The following ATAD2B variants were observed in gnomAD, a reference collection of about 807,000 sequenced individuals.
The protein encoded by ATAD2B is ATPase family AAA domain-containing protein 2B.
In ATAD2B, 40 loss-of-function variants were observed where a neutral mutation model predicts 167.6. That is an observed-to-expected ratio of 0.24 (90% CI 0.19 to 0.31). ATAD2B has a LOEUF of 0.31. Among genes scored for constraint, ATAD2B ranks in the 10% least tolerant of loss-of-function variants. The pLI, the probability that ATAD2B is intolerant of heterozygous loss-of-function variation, is 1.00. For synonymous variants in ATAD2B, 579 were observed against 596.5 expected (o/e 0.97, Z 0.43); for missense variants, 1,242 against 1,757.2 (o/e 0.71, Z 5.24).
intron 6 of ATAD2B, among the ~76,000 whole-genome samples, chr2:23,882,498 T>C (rs1331412500): frequency 8.0e-6 from 1 of 124,232 alleles, no homozygotes; most frequent in Non-Finnish European, 1.6e-5. Flanking sequence ...ACCCAGCCTC[T>C]ATTTAAAAAA....
At chr2:23,762,372 T>G (rs368537378) in intron 23 of ATAD2B, 26 bp from the exon 24 acceptor site, 2 of 1,591,698 alleles carry the variant, frequency 1.3e-6, no homozygotes, top group African/African-American at 1.4e-5. Flanking sequence ...AAGCAATACC[T>G]CTTTAAATAT....
At chr2:23,798,041 G>A in intron 19 of ATAD2B, 97 bp downstream of exon 19, 1 of 783,346 alleles carries the variant, frequency 1.3e-6, no homozygotes, top group Non-Finnish European at 1.9e-6. Flanking sequence ...AACCCTGGCA[G>A]TATTAATTTT....
At chr2:23,833,362 T>C (rs1689373378) in intron 14 of ATAD2B, among the ~76,000 whole-genome samples, 1 of 137,506 alleles carries the variant, frequency 7.3e-6, no homozygotes, top group Non-Finnish European at 1.5e-5. Flanking sequence ...AAACCAAGAA[T>C]AATATTAAAA....
chr2:23,696,322 A>G, the ATAD2B span: 3 of 1,550,432 alleles, frequency 1.9e-6, no homozygotes, highest in African/African-American at 1.4e-5. The surrounding 1 kb of genome is among the most constrained non-coding windows in gnomAD (Gnocchi z 5.5). Context: ...TGCCTCCCAC[A>G]CTGCCTCCAG....
intron 13 of ATAD2B, among the ~76,000 whole-genome samples, chr2:23,851,076 T>C (rs1692485945): frequency 1.3e-5 from 2 of 152,202 alleles, no homozygotes; most frequent in African/African-American, 4.8e-5. Flanking sequence ...GGCACCCTGA[T>C]CTTGGACATC....
downstream of ATAD2B, among the ~76,000 whole-genome samples, chr2:23,744,470 A>C (rs901582242): frequency 6.6e-6 from 1 of 152,360 alleles, no homozygotes; most frequent in South Asian, 2.1e-4. Context: ...GTTTATAGAC[A>C]CATACAAATG....
intron 1 of ATAD2B, among the ~76,000 whole-genome samples, chr2:23,898,507 T>G (rs1057071740): frequency 6.6e-6 from 1 of 152,224 alleles, no homozygotes; most frequent in African/African-American, 2.4e-5. Context: ...ACGTACTGAT[T>G]GATGTCATAT....
Position 23,757,483 on chromosome 2 carries a change from C to A in ATAD2B, c.4013G>T (p.Ser1338Ile). The change falls in exon 25 of 28, where the codon AGC becomes ATC. Residue 1338 changes from serine to isoleucine, a missense_variant. Coordinates refer to ENST00000238789, the MANE Select transcript of ATAD2B (RefSeq NM_017552.4). ...DLEKLEALEC[S>I]NNEKLEPGSD... ...GCCAGGTTCTAACTTCTCATTATTG[C>A]TACATTCCAGTGCCTCTAGTTTCTC... The A allele has an allele frequency of 6.5e-7, 1 of 1,543,152 alleles. No individual in the cohort carries two copies. The highest frequency in any genetic ancestry group is 2.1e-5 in the Admixed American group (1 of 47,364).
At chr2:23,703,205 C>A in the ATAD2B span, 2 of 1,461,846 alleles carry the variant, frequency 1.4e-6, no homozygotes, top group Non-Finnish European at 1.8e-6. Context: ...CATCACCAAC[C>A]AATGGGAGGC....
At chr2:23,852,919 C>CAA (rs1169910826) in intron 13 of ATAD2B, among the ~76,000 whole-genome samples, 7 of 101,362 alleles carry the variant, frequency 6.9e-5, no homozygotes, top group African/African-American at 1.1e-4. Flanking sequence ...ACTCCATCTC[C>CAA]AAAAAAAAAA....
chr2:23,809,492 T>C (rs1558573295), intron 18 of ATAD2B, among the ~76,000 whole-genome samples: 1 of 152,136 alleles, frequency 6.6e-6, no homozygotes, highest in Admixed American at 6.5e-5. Context: ...ATTCGGAAAA[T>C]GTAACTGGGA....
intron 18 of ATAD2B, among the ~76,000 whole-genome samples, chr2:23,808,528 T>C (rs1685020444): frequency 6.6e-6 from 1 of 152,064 alleles, no homozygotes; most frequent in African/African-American, 2.4e-5. Flanking sequence ...GACCTCTTCT[T>C]CCATTATATT....
chr2:23,820,243 G>A (rs939975660), intron 16 of ATAD2B, among the ~76,000 whole-genome samples: 3 of 152,042 alleles, frequency 2.0e-5, no homozygotes, highest in Non-Finnish European at 4.4e-5. Flanking sequence ...TTCATATTTG[G>A]TTTAATTAGT....
the ATAD2B span, among the ~76,000 whole-genome samples, chr2:23,724,942 C>T: frequency 6.9e-6 from 1 of 145,352 alleles, no homozygotes; most frequent in African/African-American, 2.5e-5. Context: ...ACTTGGGAGG[C>T]TGAGGCAGGA....
intron 23 of ATAD2B, among the ~76,000 whole-genome samples, chr2:23,763,738 C>T (rs947029427): frequency 6.6e-6 from 1 of 152,060 alleles, no homozygotes; most frequent in Non-Finnish European, 1.5e-5. Context: ...CACAAGTGTA[C>T]ACCACCACGC....
At chr2:23,754,038 A>G (rs1675667752) in intron 27 of ATAD2B, 141 bp downstream of exon 27, 1 of 685,620 alleles carries the variant, frequency 1.5e-6, no homozygotes, top group East Asian at 3.4e-5. Flanking sequence ...ACTCTTAATG[A>G]TTTTTGTCTT....
chr2:23,807,242 T>C (rs1684539358), intron 18 of ATAD2B, among the ~76,000 whole-genome samples: 1 of 152,168 alleles, frequency 6.6e-6, no homozygotes, highest in African/African-American at 2.4e-5. Flanking sequence ...GCTTTGCTAT[T>C]TACTAATATA....
At chr2:23,709,459 G>C in the ATAD2B span, among the ~76,000 whole-genome samples, 1 of 152,218 alleles carries the variant, frequency 6.6e-6, no homozygotes, top group Non-Finnish European at 1.5e-5. Flanking sequence ...CTAAGGACTT[G>C]CGTGCCAGGC....
chr2:23,736,594 G>A, the ATAD2B span, among the ~76,000 whole-genome samples: 53 of 152,224 alleles, frequency 3.5e-4, no homozygotes, highest in Admixed American at 4.6e-4. Flanking sequence ...GAACAGCTCC[G>A]GTCTACAGCT....
Sources: gnomAD v4.1 joint callset for allele counts (sites outside exome capture counted in the v4.1 genomes callset) on GRCh38, gnomAD v4.1.1 for gene constraint, Gnocchi (gnomAD v3.1) non-coding constraint, MANE v1.5 for transcripts, NCBI Gene and HGNC (gene_info 2026-07-23, HGNC 2026-07-21) for gene names.